EXOC1: variants seen among roughly 807,000 people sequenced by gnomAD.
EXOC1 encodes the protein SEC3-like 1.
Under a neutral mutation model 107.7 loss-of-function variants are expected in EXOC1, and 67 were observed. The ratio of observed to expected loss-of-function variants is 0.62; its 90% CI spans 0.51 to 0.76. EXOC1 has a LOEUF of 0.76. Among genes scored for constraint, EXOC1 ranks in the 30% least tolerant of loss-of-function variants. The pLI is 0.00. For missense variants in EXOC1, 833 were observed against 1,055.7 expected, an observed-to-expected ratio of 0.79 and a Z score of 2.92; for synonymous variants, 348 against 353.5, an observed-to-expected ratio of 0.98 and a Z score of 0.17.
At chr4:55,899,034 A>G (rs1329128293) in intron 16 of EXOC1, among the ~76,000 whole-genome samples, 1 of 152,166 alleles carries the variant, frequency 6.6e-6, no homozygotes, top group African/African-American at 2.4e-5. Flanking sequence ...TTACAGCTGT[A>G]CCAATGCTGG....
At chr4:55,890,497 A>G (rs1724390496) in intron 12 of EXOC1, 111 bp downstream of exon 12, 2 of 713,892 alleles carry the variant, frequency 2.8e-6, no homozygotes, top group African/African-American at 1.8e-5. Context: ...TCTCTTAAGC[A>G]TTAACCATGT....
In EXOC1 at chr4:55,883,942, T is replaced by C. The variant is rs750075777; in HGVS notation, c.1330+14T>C. ...GCAAGAAGTTTGGTAAGCTTAGGCATGTCAGTTCATTATCTTCCTATTAAA... is the reference window on the plus strand; with the variant it reads ...GCAAGAAGTTTGGTAAGCTTAGGCACGTCAGTTCATTATCTTCCTATTAAA... On this transcript the variant is annotated intron_variant, in intron 10 of 18. Coordinates refer to ENST00000381295, the MANE Select transcript of EXOC1 (RefSeq NM_001024924.2). 3 of 1,551,514 alleles carry C rather than the reference T, an allele frequency of 1.9e-6. No individual in the cohort carries two copies. Among genetic ancestry groups the C allele is most frequent in the Non-Finnish European group, 2.6e-6 (3 of 1,139,052 alleles).
At chr4:55,874,570 G>A (rs1384733639) in intron 8 of EXOC1, among the ~76,000 whole-genome samples, 1 of 152,098 alleles carries the variant, frequency 6.6e-6, no homozygotes, top group African/African-American at 2.4e-5. Flanking sequence ...CTGATCCAGA[G>A]CATGCTATCT....
At position 55,871,707 on chromosome 4, in the gene EXOC1, C is replaced by T. The variant is rs371355587; in HGVS notation, c.965-142C>T. ...ACTACTGTGAAATCCCATTTTTCTC[C>T]TGCTTAACTTTTATCATGTAAATGA... On this transcript the variant is annotated intron_variant, in intron 7 of 18. Coordinates refer to ENST00000381295, the MANE Select transcript of EXOC1 (RefSeq NM_001024924.2). 1.2e-3 allele frequency: 791 copies of T among 645,092 alleles called. 13 individuals are homozygous for T. The South Asian group carries it at 0.013, about 10-fold the overall frequency. 40.0% of individuals were successfully genotyped at this position (645,092 alleles called of 1,614,324 possible).
chr4:55,875,048 T>C (rs545523227), intron 8 of EXOC1, among the ~76,000 whole-genome samples: 26 of 152,316 alleles, frequency 1.7e-4, no homozygotes, highest in Non-Finnish European at 1.8e-4. Flanking sequence ...TGAGACTGAT[T>C]ATGTACATAA....
intron 3 of EXOC1, among the ~76,000 whole-genome samples, chr4:55,861,158 T>A (rs1421668401): frequency 6.6e-6 from 1 of 152,136 alleles, no homozygotes; most frequent in Non-Finnish European, 1.5e-5. Context: ...TACCCTTTTT[T>A]CAAAGCAATC....
chr4:55,898,545 G>A (rs977401743), intron 16 of EXOC1, among the ~76,000 whole-genome samples: 4 of 152,044 alleles, frequency 2.6e-5, no homozygotes, highest in Non-Finnish European at 4.4e-5. Context: ...AAAAATCAGC[G>A]AATAGAATTT....
intron 4 of EXOC1, among the ~76,000 whole-genome samples, chr4:55,865,506 A>G (rs575091590): frequency 1.2e-4 from 18 of 152,278 alleles, no homozygotes; most frequent in African/African-American, 4.1e-4. Context: ...TGTAGAGGGA[A>G]TGACCTTCAA....
rs569894322 is a variant in EXOC1, at chr4:55,855,467, T to C, written c.-11+1514T>C. Among the ~76,000 whole-genome samples, 3 of 152,316 alleles carry C rather than the reference T, an allele frequency of 2.0e-5. No homozygotes were observed. The East Asian group carries it at 5.8e-4, about 29-fold the overall frequency. On this transcript the variant is annotated intron_variant, in intron 1 of 18. Coordinates refer to ENST00000381295, the MANE Select transcript of EXOC1 (RefSeq NM_001024924.2). Reference sequence around the variant, plus strand: ...GAGCTATAGCTGTCATGTTAGTGAATTTAAGCATTTGTTAAATGCCTAGTT... The same window carrying C: ...GAGCTATAGCTGTCATGTTAGTGAACTTAAGCATTTGTTAAATGCCTAGTT...
At chr4:55,872,028 C>CA in intron 8 of EXOC1, 70 bp downstream of exon 8, 2 of 1,347,250 alleles carry the variant, frequency 1.5e-6, no homozygotes, top group Non-Finnish European at 2.1e-6. Flanking sequence ...TACATTTCCA[C>CA]AAAAATGTTA....
intron 17 of EXOC1, 31 bp downstream of exon 17, chr4:55,899,915 A>G (rs748005115): frequency 1.5e-5 from 23 of 1,576,904 alleles, no homozygotes; most frequent in Non-Finnish European, 1.8e-5. Context: ...TATTTTTCCT[A>G]CTTTTGAACC....
intron 2 of EXOC1, 128 bp from the exon 3 acceptor site, chr4:55,860,283 T>A: frequency 8.9e-7 from 1 of 1,120,198 alleles, no homozygotes. Context: ...TCATAGCACT[T>A]GTTGCAAAGT....
chr4:55,859,565 A>T, intron 2 of EXOC1, among the ~76,000 whole-genome samples: 1 of 151,868 alleles, frequency 6.6e-6, no homozygotes, highest in Non-Finnish European at 1.5e-5. Context: ...CTTCCTTTAT[A>T]GTTTTTATAT....
chr4:55,899,545 A>G (rs754149874), intron 16 of EXOC1, 140 bp from the exon 17 acceptor site: 13 of 687,444 alleles, frequency 1.9e-5, no homozygotes, highest in Non-Finnish European at 3.0e-5. Flanking sequence ...GAAGACTCCC[A>G]TTACAATATA....
intron 3 of EXOC1, among the ~76,000 whole-genome samples, chr4:55,860,918 C>G (rs1721413540): frequency 6.8e-6 from 1 of 147,832 alleles, no homozygotes; most frequent in East Asian, 2.0e-4. Context: ...GGCAGCCAGA[C>G]TGGCCTTTTG....
At position 55,892,618 on chromosome 4, in the gene EXOC1, C is replaced by G; in HGVS notation, c.1648-17C>G. 1 of 1,612,750 alleles carries G rather than the reference C, an allele frequency of 6.2e-7. No homozygotes were observed. Reference sequence around the variant, plus strand: ...GTTGGTCTTTTATTATGTAAAGTGCCTGAATAATTTTTGCAGGCTGAAGCA... The same window carrying G: ...GTTGGTCTTTTATTATGTAAAGTGCGTGAATAATTTTTGCAGGCTGAAGCA... On this transcript the variant is annotated splice_polypyrimidine_tract_variant and intron_variant, in intron 13 of 18. Transcript: ENST00000381295.
intron 1 of EXOC1, among the ~76,000 whole-genome samples, chr4:55,858,076 T>C (rs1380982986): frequency 1.3e-5 from 2 of 152,022 alleles, no homozygotes; most frequent in Non-Finnish European, 2.9e-5. Context: ...TTCTTAAATC[T>C]TGTGTGTGTG....
intron 10 of EXOC1, among the ~76,000 whole-genome samples, chr4:55,887,507 C>G (rs2109440937): frequency 6.6e-6 from 1 of 152,196 alleles, no homozygotes; most frequent in Admixed American, 6.5e-5. Flanking sequence ...AGTGTTATCA[C>G]TTGCTGATAA....
In EXOC1 at chr4:55,870,897, T is replaced by C; in HGVS notation, c.823T>C (p.Phe275Leu). The C allele has an allele frequency of 6.2e-7, 1 of 1,612,100 alleles. No homozygotes were observed. Among genetic ancestry groups the C allele is most frequent in the Non-Finnish European group, 8.5e-7 (1 of 1,178,864 alleles). Residue 275 changes from phenylalanine to leucine, a missense_variant, in exon 6 of 19, where the codon TTC (phenylalanine) becomes CTC (leucine). Phe to Leu is a conservative substitution (Grantham distance 22, BLOSUM62 0). This residue lies in a region of EXOC1 where 617 missense variants were observed against 701.3 expected (regional missense o/e 0.88). Transcript: ENST00000381295. ...NNVKLLSEIE[F>L]LVNHMDLAKG... Reference sequence around the variant, plus strand: ...TGTAAAACTCCTATCTGAGATAGAGTTCCTTGTGGTAAGTATGATCATAAA... The same window carrying C: ...TGTAAAACTCCTATCTGAGATAGAGCTCCTTGTGGTAAGTATGATCATAAA...
Sources: gnomAD v4.1 joint callset for allele counts (sites outside exome capture counted in the v4.1 genomes callset) on GRCh38, gnomAD v4.1.1 for gene constraint, gnomAD v4.1.1 regional missense constraint, MANE v1.5 for transcripts, NCBI Gene and HGNC (gene_info 2026-07-23, HGNC 2026-07-21) for gene names.